The following ERGIC1 variants were observed in gnomAD, a reference collection of about 807,000 sequenced individuals.
The protein encoded by ERGIC1 is endoplasmic reticulum-Golgi intermediate compartment protein 1.
In ERGIC1, 19 loss-of-function variants were observed where a neutral mutation model predicts 38.3. The ratio of observed to expected loss-of-function variants is 0.50; its 90% CI spans 0.35 to 0.73. The LOEUF (loss-of-function observed/expected upper bound fraction) is 0.73, where lower values mean the gene tolerates loss of function less well. Ranked by LOEUF, ERGIC1 falls within the 30% of genes least tolerant of loss-of-function variation. The pLI, the probability that ERGIC1 is intolerant of heterozygous loss-of-function variation, is 0.01. For missense variants in ERGIC1, 294 were observed against 389.2 expected, an observed-to-expected ratio of 0.76 and a Z score of 2.06; for synonymous variants, 124 against 157.6, an observed-to-expected ratio of 0.79 and a Z score of 1.60.
intron 5 of ERGIC1, among the ~76,000 whole-genome samples, chr5:172,921,895 A>G (rs958692370): frequency 3.3e-5 from 5 of 152,210 alleles, no homozygotes; most frequent in African/African-American, 1.2e-4. Context: ...TTAACACAGG[A>G]TGTCCTTCCC....
intron 7 of ERGIC1, among the ~76,000 whole-genome samples, chr5:172,931,639 G>C (rs1444384730): frequency 6.6e-6 from 1 of 152,200 alleles, no homozygotes; most frequent in Admixed American, 6.5e-5. Flanking sequence ...GACAATGTCA[G>C]AGGATGTACA....
At chr5:172,867,454 C>T (rs546698961) in intron 1 of ERGIC1, 64 of 400,460 alleles carry the variant, frequency 1.6e-4, no homozygotes, top group Non-Finnish European at 2.6e-4. Flanking sequence ...CCTTGGAGGC[C>T]GCAAGAACAA....
chr5:172,866,989 GGATGCAGATGGAGATGATGCA>G, intron 1 of ERGIC1: 1 of 351,062 alleles, frequency 2.8e-6, no homozygotes, highest in Non-Finnish European at 5.7e-6. Flanking sequence ...AAATGAAAGG[GGATGCAGATGGAGATGATGCA>G]GATGGAGATG....
intron 1 of ERGIC1, among the ~76,000 whole-genome samples, chr5:172,883,838 C>T (rs1166331463): frequency 1.3e-5 from 2 of 152,126 alleles, no homozygotes; most frequent in Non-Finnish European, 1.5e-5. Context: ...AAAAAATTAG[C>T]CAGGCATGAT....
At chr5:172,849,838 AT>A (rs1761360258) in intron 1 of ERGIC1, among the ~76,000 whole-genome samples, 1 of 152,168 alleles carries the variant, frequency 6.6e-6, no homozygotes, top group Admixed American at 6.5e-5. Flanking sequence ...AGTGCTAGAC[AT>A]TTGCAGGGGA....
chr5:172,898,879 C>T (rs1214551218), intron 3 of ERGIC1, among the ~76,000 whole-genome samples: 1 of 152,156 alleles, frequency 6.6e-6, no homozygotes, highest in East Asian at 1.9e-4. Flanking sequence ...ACAACTCAGT[C>T]ACTGGACATC....
intron 2 of ERGIC1, among the ~76,000 whole-genome samples, chr5:172,894,542 A>G (rs1013960952): frequency 8.5e-5 from 13 of 152,094 alleles, no homozygotes; most frequent in Middle Eastern, 3.2e-3. Context: ...AGTATCCCCC[A>G]TGTCTCAGGG....
At chr5:172,919,595 G>A (rs1763459447) in intron 5 of ERGIC1, among the ~76,000 whole-genome samples, 5 of 152,224 alleles carry the variant, frequency 3.3e-5, no homozygotes, top group Admixed American at 2.6e-4. Context: ...ATGGTCACTG[G>A]TTGAATGACT....
chr5:172,900,726 A>AAAC (rs1554111083), intron 3 of ERGIC1, among the ~76,000 whole-genome samples: 11 of 149,120 alleles, frequency 7.4e-5, no homozygotes, highest in Admixed American at 6.6e-5. Context: ...AAAAAACAAA[A>AAAC]AAAAACATGA....
At chr5:172,893,920 T>TATATACACAC (rs1561721908) in intron 2 of ERGIC1, among the ~76,000 whole-genome samples, 1 of 85,584 alleles carries the variant, frequency 1.2e-5, no homozygotes, top group African/African-American at 4.5e-5. Flanking sequence ...TGTGTGTGTG[T>TATATACACAC]GTGTGTGTGT....
chr5:172,843,972 G>A (rs1026557432), intron 1 of ERGIC1, among the ~76,000 whole-genome samples: 2 of 152,188 alleles, frequency 1.3e-5, no homozygotes, highest in Non-Finnish European at 1.5e-5. Flanking sequence ...CCTCTCCTCT[G>A]CCTTTCCTGG....
chr5:172,871,179 G>A (rs563636322), intron 1 of ERGIC1, among the ~76,000 whole-genome samples: 9 of 152,346 alleles, frequency 5.9e-5, no homozygotes, highest in South Asian at 2.1e-4. Context: ...CACTTCATCC[G>A]GCCTGAGGCT....
intron 4 of ERGIC1, 141 bp downstream of exon 4, chr5:172,909,902 C>A (rs57088047): frequency 2.7e-6 from 2 of 737,434 alleles, no homozygotes; most frequent in South Asian, 1.6e-5. Flanking sequence ...AATATAATTG[C>A]GTATGCATGC....
chr5:172,899,411 G>A (rs553777029), intron 3 of ERGIC1, among the ~76,000 whole-genome samples: 4 of 132,330 alleles, frequency 3.0e-5, no homozygotes, highest in East Asian at 4.6e-4. Context: ...TCCGCCTCCC[G>A]AGTTCAAGAG....
At chr5:172,849,979 T>G (rs1761364126) in intron 1 of ERGIC1, among the ~76,000 whole-genome samples, 1 of 152,178 alleles carries the variant, frequency 6.6e-6, no homozygotes, top group Non-Finnish European at 1.5e-5. Flanking sequence ...GGGCTTTTAT[T>G]TGCCTCATTT....
Position 172,834,775 on chromosome 5 carries a change from C to T in ERGIC1, c.20+342C>T, listed in dbSNP as rs1030398919. On this transcript the variant is annotated intron_variant, in intron 1 of 9. Coordinates refer to ENST00000393784, the MANE Select transcript of ERGIC1 (RefSeq NM_001031711.3). The surrounding 1 kb of genome is among the most constrained non-coding windows in gnomAD (Gnocchi z 4.1). ...AACAGCCCATAACACCCCAGCATCC[C>T]TCTCCTCCCTCTACTGAGCCTCCTT... Among the ~76,000 whole-genome samples the T allele has an allele frequency of 6.6e-6, 1 of 152,208 alleles. No homozygotes were observed. The highest frequency in any genetic ancestry group is 1.5e-5 in the Non-Finnish European group (1 of 68,016).
At chr5:172,921,237 T>G (rs1254565806) in intron 5 of ERGIC1, among the ~76,000 whole-genome samples, 1 of 152,258 alleles carries the variant, frequency 6.6e-6, no homozygotes, top group African/African-American at 2.4e-5. Flanking sequence ...GGGGCTGGGC[T>G]TGGGGCCAAG....
intron 1 of ERGIC1, among the ~76,000 whole-genome samples, chr5:172,858,247 C>T (rs1442811934): frequency 3.3e-5 from 5 of 152,162 alleles, no homozygotes; most frequent in African/African-American, 9.7e-5. Context: ...CCGGCTGAAG[C>T]GGCTGCTGGA....
At chr5:172,896,630 C>T (rs528055493) in intron 2 of ERGIC1, among the ~76,000 whole-genome samples, 2 of 152,316 alleles carry the variant, frequency 1.3e-5, no homozygotes, top group South Asian at 2.1e-4. Context: ...GCTGACTGTT[C>T]AAGGTGGACT....
Sources: gnomAD v4.1 joint callset for allele counts (sites outside exome capture counted in the v4.1 genomes callset) on GRCh38, gnomAD v4.1.1 for gene constraint, Gnocchi (gnomAD v3.1) non-coding constraint, MANE v1.5 for transcripts, NCBI Gene and HGNC (gene_info 2026-07-23, HGNC 2026-07-21) for gene names.